DMD: variants seen among roughly 807,000 people sequenced by gnomAD.
The protein encoded by DMD is dystrophin, also known as mutant dystrophin.
Under a neutral mutation model 330.1 loss-of-function variants are expected in DMD, and 63 were observed. That is an observed-to-expected ratio of 0.19 (90% CI 0.16 to 0.24). The LOEUF is 0.24. DMD is among the 10% of genes least tolerant of loss of function. DMD has a pLI of 1.00. For missense variants in DMD, 3,344 were observed against 2,684.1 expected (o/e 1.25, Z -5.43); for synonymous variants, 1,223 against 959.8 (o/e 1.27, Z -5.07).
chrX:31,727,536 A>G (rs1417081804), intron 52 of DMD, among the ~76,000 whole-genome samples: 1 of 112,185 alleles, frequency 8.9e-6, no homozygotes, highest in Non-Finnish European at 1.9e-5. Context: ...TTCATGAGTA[A>G]TACTCATTCT....
intron 1 of DMD, among the ~76,000 whole-genome samples, chrX:33,103,089 G>A (rs1379245221): frequency 8.9e-6 from 1 of 111,776 alleles, no homozygotes; most frequent in Non-Finnish European, 1.9e-5. Flanking sequence ...TCTGGTAGGT[G>A]ATTAAGGTAT....
rs1306076986 is a variant in DMD, at chrX:31,119,350, AT to A, written c.*2568del. On this transcript the variant is annotated 3_prime_UTR_variant, in exon 79 of 79. Coordinates refer to ENST00000357033, the MANE Select transcript of DMD (RefSeq NM_004006.3). Reference sequence around the variant, plus strand: ...TGCAGTAAAACTGAAGTTTAAAAAAATAATTCGTAAATGTTACAGTGTTGGT... The same window carrying A: ...TGCAGTAAAACTGAAGTTTAAAAAAAAATTCGTAAATGTTACAGTGTTGGT... 1 of 112,380 alleles carries A rather than the reference AT, an allele frequency of 8.9e-6. No individual in the cohort carries two copies. The highest frequency in any genetic ancestry group is 3.2e-5 in the African/African-American group (1 of 30,943). The allele number at this position is 112,380 out of a possible 1,213,427, so 9.3% of individuals were successfully genotyped here. A position where few individuals can be genotyped will look rare whatever the true frequency, so the allele number is the denominator to read the frequency against.
chrX:31,361,725 C>T (rs1277480402), intron 60 of DMD, among the ~76,000 whole-genome samples: 12 of 109,123 alleles, frequency 1.1e-4, no homozygotes, highest in Admixed American at 2.9e-4. Context: ...TAGTGTCAAT[C>T]TTTCCTTTAT....
At chrX:33,235,978 C>G (rs1467423685) in intron 1 of DMD, among the ~76,000 whole-genome samples, 2 of 104,893 alleles carry the variant, frequency 1.9e-5, no homozygotes, top group African/African-American at 6.9e-5. Flanking sequence ...TGCAGTGGCG[C>G]GATCTCGGCT....
chrX:31,836,891 C>G, intron 48 of DMD, 72 bp from the exon 49 acceptor site: 2 of 890,453 alleles, frequency 2.2e-6, no homozygotes, highest in South Asian at 2.0e-5. Context: ...TTAAATATAC[C>G]CTTGGAGACT....
intron 44 of DMD, among the ~76,000 whole-genome samples, chrX:32,019,675 A>G (rs6628669): frequency 0.58 from 64,985 of 111,155 alleles, 15,699 homozygotes; most frequent in Non-Finnish European, 0.75. Context: ...CGTATGCTGT[A>G]CTTTGTCCCA....
intron 60 of DMD, among the ~76,000 whole-genome samples, chrX:31,417,845 G>A (rs1160249868): frequency 9.3e-6 from 1 of 107,858 alleles, no homozygotes; most frequent in Non-Finnish European, 1.9e-5. Context: ...CCACCACCAT[G>A]CCCGGCTAAT....
At chrX:31,390,389 C>T (rs1266450147) in intron 60 of DMD, among the ~76,000 whole-genome samples, 1 of 110,280 alleles carries the variant, frequency 9.1e-6, no homozygotes, top group Non-Finnish European at 1.9e-5. Flanking sequence ...TTCTCATTTA[C>T]GCTTCTAGCT....
At chrX:33,241,328 A>T (rs2052583674) in intron 1 of DMD, among the ~76,000 whole-genome samples, 1 of 111,792 alleles carries the variant, frequency 8.9e-6, no homozygotes, top group South Asian at 3.7e-4. Context: ...TTCGCATTGG[A>T]TATACCTGGT....
intron 63 of DMD, among the ~76,000 whole-genome samples, chrX:31,251,950 A>G (rs2049409470): frequency 8.9e-6 from 1 of 112,576 alleles, no homozygotes; most frequent in Non-Finnish European, 1.9e-5. Flanking sequence ...GTCAAAGTCT[A>G]AGGAACAATT....
rs1194170523 is a variant in DMD, at chrX:33,054,087, G to T, written c.32-33887C>A. On this transcript the variant is annotated intron_variant, in intron 1 of 78. Transcript: ENST00000357033. The stretch of plus-strand genomic sequence containing the variant: ...GGAACGTGGCAAATAAAGAGACAAG[G>T]AATCAGGAGGCTATTGTAATCACTC... 2.7e-5 allele frequency among the ~76,000 whole-genome samples: 3 copies of T among 111,934 alleles called. No homozygotes were observed. In the South Asian group the frequency reaches 1.1e-3, roughly 42 times the overall value.
chrX:32,554,657 A>AGAT (rs2049958998), intron 16 of DMD, among the ~76,000 whole-genome samples: 1 of 108,190 alleles, frequency 9.2e-6, no homozygotes, highest in African/African-American at 3.3e-5. Context: ...GCCCAGGTCC[A>AGAT]GATGGAATCA....
intron 29 of DMD, 30 bp from the exon 30 acceptor site, chrX:32,411,943 T>G (rs1460154132): frequency 4.2e-6 from 5 of 1,202,561 alleles, no homozygotes; most frequent in Non-Finnish European, 5.6e-6. Flanking sequence ...GTGTATCAGT[T>G]AAATGTTTAC....
chrX:32,652,722 C>A (rs2060255841), intron 9 of DMD, among the ~76,000 whole-genome samples: 1 of 111,263 alleles, frequency 9.0e-6, no homozygotes, highest in Admixed American at 9.5e-5. Context: ...AGTTCTAGAT[C>A]CTTGAGGAAT....
At chrX:31,747,460 G>T (rs901226725) in intron 51 of DMD, among the ~76,000 whole-genome samples, 1 of 111,192 alleles carries the variant, frequency 9.0e-6, no homozygotes, top group African/African-American at 3.3e-5. Context: ...ATTCTATGGG[G>T]AGGATTTTAG....
intron 63 of DMD, among the ~76,000 whole-genome samples, 152 bp downstream of exon 63, chrX:31,260,799 GCTGA>G (rs1254460323): frequency 8.9e-6 from 1 of 111,870 alleles, no homozygotes; most frequent in Non-Finnish European, 1.9e-5. Flanking sequence ...TAAAAAGAAA[GCTGA>G]CTGTCAATTT....
At chrX:31,699,628 C>T (rs1034430493) in intron 52 of DMD, among the ~76,000 whole-genome samples, 2 of 112,020 alleles carry the variant, frequency 1.8e-5, no homozygotes, top group Non-Finnish European at 1.9e-5. Flanking sequence ...CTAGTCTATA[C>T]AAATTTTGCC....
At chrX:33,320,483 TA>T (rs1368421072) in intron 1 of DMD, among the ~76,000 whole-genome samples, 2 of 112,196 alleles carry the variant, frequency 1.8e-5, no homozygotes, top group African/African-American at 3.2e-5. Context: ...AGCATTATGT[TA>T]AAAAATGTAC....
intron 7 of DMD, among the ~76,000 whole-genome samples, chrX:32,753,937 T>C (rs2748309): frequency 0.4 from 44,029 of 109,608 alleles, 6,968 homozygotes; most frequent in African/African-American, 0.55. Context: ...TGCTCAATTC[T>C]ATTTTGTGGG....
Sources: allele counts gnomAD v4.1 joint callset (sites outside exome capture counted in the v4.1 genomes callset), GRCh38; gene constraint gnomAD v4.1.1; transcripts MANE v1.5; gene names NCBI Gene and HGNC (gene_info 2026-07-23, HGNC 2026-07-21).